The following MCTP1 variants were observed in gnomAD, a reference collection of about 807,000 sequenced individuals.
MCTP1 encodes the protein multiple C2 and transmembrane domain containing 1, also known as multiple C2 and transmembrane domain-containing protein 1.
MCTP1 carries 69 observed loss-of-function variants against 120.6 expected under a neutral mutation model. The ratio of observed to expected loss-of-function variants is 0.57; its 90% CI spans 0.47 to 0.70. The LOEUF is 0.70. MCTP1 is among the 30% of genes least tolerant of loss of function. The pLI, the probability that MCTP1 is intolerant of heterozygous loss-of-function variation, is 0.00. For missense variants in MCTP1, 1,203 were observed against 1,248.8 expected (o/e 0.96, Z 0.55); for synonymous variants, 529 against 493.1 (o/e 1.07, Z -0.96).
intron 18 of MCTP1, among the ~76,000 whole-genome samples, chr5:94,784,631 G>A (rs1464743684): frequency 6.6e-6 from 1 of 151,946 alleles, no homozygotes; most frequent in Non-Finnish European, 1.5e-5. Context: ...CATCTCGAAA[G>A]CAACTGCATA....
intron 12 of MCTP1, among the ~76,000 whole-genome samples, chr5:94,881,851 AC>A (rs1800160976): frequency 6.6e-6 from 1 of 152,202 alleles, no homozygotes; most frequent in South Asian, 2.1e-4. Context: ...TGATTTTAAA[AC>A]GCCAGATATA....
chr5:95,224,394 G>T (rs1222746106), intron 1 of MCTP1, among the ~76,000 whole-genome samples: 3 of 152,064 alleles, frequency 2.0e-5, no homozygotes, highest in Non-Finnish European at 4.4e-5. Flanking sequence ...ATATTGCATA[G>T]TACTCTAACA....
At chr5:94,914,317 G>A (rs77509801) in intron 8 of MCTP1, among the ~76,000 whole-genome samples, 280 of 152,184 alleles carry the variant, frequency 1.8e-3, no homozygotes, top group African/African-American at 6.6e-3. Flanking sequence ...TCCGTTCTAC[G>A]TTAATGTTAC....
intron 19 of MCTP1, among the ~76,000 whole-genome samples, chr5:94,718,245 AAAAC>A (rs1263051003): frequency 1.3e-5 from 2 of 152,224 alleles, no homozygotes; most frequent in Non-Finnish European, 1.5e-5. Flanking sequence ...AAACTTGACA[AAAAC>A]AAGCAATGAG....
intron 2 of MCTP1, among the ~76,000 whole-genome samples, chr5:95,009,471 T>C (rs979831492): frequency 1.3e-5 from 2 of 151,934 alleles, no homozygotes; most frequent in Non-Finnish European, 2.9e-5. Flanking sequence ...TACATCACAA[T>C]TTCATAGGGC....
At chr5:94,946,660 A>C (rs1485580501) in intron 3 of MCTP1, among the ~76,000 whole-genome samples, 4 of 152,112 alleles carry the variant, frequency 2.6e-5, no homozygotes, top group Admixed American at 2.6e-4. Flanking sequence ...CCTGATATGA[A>C]TCAGGGAGAC....
chr5:95,058,786 G>A (rs1441078435), intron 1 of MCTP1, among the ~76,000 whole-genome samples: 1 of 152,048 alleles, frequency 6.6e-6, no homozygotes, highest in African/African-American at 2.4e-5. Context: ...CCTCACTGAA[G>A]GGATAATTGC....
intron 1 of MCTP1, among the ~76,000 whole-genome samples, chr5:95,151,827 C>A (rs1278054002): frequency 6.6e-6 from 1 of 152,208 alleles, no homozygotes; most frequent in Non-Finnish European, 1.5e-5. Flanking sequence ...CATCCTTTAA[C>A]TCGCTGCCTC....
At chr5:95,009,560 G>A (rs1432195196) in intron 2 of MCTP1, among the ~76,000 whole-genome samples, 2 of 150,856 alleles carry the variant, frequency 1.3e-5, no homozygotes, top group Non-Finnish European at 3.0e-5. Context: ...GTTATTATAT[G>A]ATACATATTC....
At chr5:94,912,222 C>T (rs1040388660) in intron 9 of MCTP1, among the ~76,000 whole-genome samples, 1 of 151,564 alleles carries the variant, frequency 6.6e-6, no homozygotes, top group East Asian at 1.9e-4. Flanking sequence ...GTCAGGAGAT[C>T]GAGACCATCC....
intron 7 of MCTP1, among the ~76,000 whole-genome samples, chr5:94,921,096 A>G (rs1241650855): frequency 6.6e-6 from 1 of 152,352 alleles, no homozygotes; most frequent in Non-Finnish European, 1.5e-5. Flanking sequence ...AACTAAAAAG[A>G]AACTTAAGCA....
At chr5:95,098,250 T>C (rs907335881) in intron 1 of MCTP1, among the ~76,000 whole-genome samples, 1 of 152,224 alleles carries the variant, frequency 6.6e-6, no homozygotes, top group East Asian at 1.9e-4. Context: ...TTGCCTATTT[T>C]TTAGTGTGTG....
At chr5:94,895,042 C>CA (rs967037144) in intron 10 of MCTP1, among the ~76,000 whole-genome samples, 6 of 151,984 alleles carry the variant, frequency 3.9e-5, no homozygotes, top group Admixed American at 2.0e-4. Flanking sequence ...CTGTAAGATA[C>CA]AAAAAAATAT....
At chr5:95,201,194 C>T (rs1750970181) in intron 1 of MCTP1, among the ~76,000 whole-genome samples, 1 of 152,168 alleles carries the variant, frequency 6.6e-6, no homozygotes, top group African/African-American at 2.4e-5. Flanking sequence ...TGAACTTGTA[C>T]ACCTTTGCTA....
intron 1 of MCTP1, among the ~76,000 whole-genome samples, chr5:95,147,196 C>T (rs571478294): frequency 6.6e-5 from 10 of 152,240 alleles, no homozygotes; most frequent in Admixed American, 2.0e-4. Context: ...ATGCCATTCT[C>T]CTTCCTCAGC....
rs76215029 is a variant in MCTP1, at chr5:95,258,959, C to G, written c.720+24897G>C. Among the ~76,000 whole-genome samples, 1,102 of 152,222 alleles carry G rather than the reference C, an allele frequency of 7.2e-3. 7 individuals are homozygous for G. The highest frequency in any genetic ancestry group is 0.011 in the Non-Finnish European group (720 of 68,008). ...GCTGGTGACCTTGTAGCTATGGGAG[C>G]AGAAAATGAAGGCATAGTACAATTT... is the stretch of plus-strand genomic sequence containing the variant. On this transcript the variant is annotated intron_variant, in intron 1 of 22. Coordinates refer to ENST00000515393, the MANE Select transcript of MCTP1 (RefSeq NM_024717.7).
intron 8 of MCTP1, among the ~76,000 whole-genome samples, chr5:94,917,507 A>T (rs970849306): frequency 6.6e-6 from 1 of 152,212 alleles, no homozygotes; most frequent in Non-Finnish European, 1.5e-5. Context: ...TTCAGTTCTT[A>T]TGGAGTAGAG....
chr5:95,039,941 G>A (rs1581977886), intron 1 of MCTP1, among the ~76,000 whole-genome samples: 1 of 146,416 alleles, frequency 6.8e-6, no homozygotes, highest in Non-Finnish European at 1.5e-5. Flanking sequence ...ACTATCACAC[G>A]AGTAGATAAC....
intron 1 of MCTP1, among the ~76,000 whole-genome samples, chr5:95,155,195 G>T (rs973246430): frequency 1.3e-5 from 2 of 152,132 alleles, no homozygotes; most frequent in African/African-American, 4.8e-5. Context: ...GCAAATAAGG[G>T]AGAATTGCAT....
Sources: gnomAD v4.1 joint callset for allele counts (sites outside exome capture counted in the v4.1 genomes callset) on GRCh38, gnomAD v4.1.1 for gene constraint, MANE v1.5 for transcripts, NCBI Gene and HGNC (gene_info 2026-07-23, HGNC 2026-07-21) for gene names.